The following TPD52 variants were observed in gnomAD, a reference collection of about 807,000 sequenced individuals.
The protein encoded by TPD52 is tumor protein D52.
TPD52 carries 17 observed loss-of-function variants against 31.3 expected under a neutral mutation model. The ratio of observed to expected loss-of-function variants is 0.54; its 90% CI spans 0.37 to 0.82. The LOEUF (loss-of-function observed/expected upper bound fraction) is 0.82. Ranked by LOEUF, TPD52 falls within the 40% of genes least tolerant of loss-of-function variation. The pLI, the probability that TPD52 is intolerant of heterozygous loss-of-function variation, is 0.00. For synonymous variants in TPD52, 83 were observed against 89.6 expected (o/e 0.93, Z 0.42); for missense variants, 212 against 240.1 (o/e 0.88, Z 0.77).
intron 1 of TPD52, chr8:80,080,340 G>C: frequency 1.9e-6 from 3 of 1,614,086 alleles, no homozygotes; most frequent in South Asian, 1.1e-5. Context: ...TAGGTGATCC[G>C]GGTGGAGATG....
intron 1 of TPD52, among the ~76,000 whole-genome samples, chr8:80,117,412 C>T (rs1029623004): frequency 6.6e-6 from 1 of 152,078 alleles, no homozygotes; most frequent in African/African-American, 2.4e-5. Flanking sequence ...GAAAAGAATA[C>T]ATTTAATAAG....
chr8:80,037,945 G>A lies in TPD52; in HGVS notation c.*171C>T, dbSNP rs1810022653. 3.8e-6 allele frequency: 3 copies of A among 798,076 alleles called. No homozygotes were observed. Among genetic ancestry groups the A allele is most frequent in the Non-Finnish European group, 3.8e-6 (2 of 523,858 alleles). The allele number at this position is 798,076 out of a possible 1,614,324, so 49.4% of individuals were successfully genotyped here. The stretch of plus-strand genomic sequence containing the variant: ...CACTAAAGGGTGTTTCCCAAGAATA[G>A]AGGTGAAGATATTTTCATTTTGTTT... On this transcript the variant is annotated 3_prime_UTR_variant, in exon 8 of 8. Transcript: ENST00000518937.
chr8:80,070,206 C>A (rs1210493066), intron 1 of TPD52, among the ~76,000 whole-genome samples: 1 of 151,982 alleles, frequency 6.6e-6, no homozygotes, highest in Non-Finnish European at 1.5e-5. Flanking sequence ...GCAGCCCCAA[C>A]CCCCCTTTGG....
At chr8:80,089,140 G>A (rs948670848) in intron 1 of TPD52, among the ~76,000 whole-genome samples, 2 of 152,092 alleles carry the variant, frequency 1.3e-5, no homozygotes, top group East Asian at 1.9e-4. Context: ...TTGTTATTGC[G>A]GCCCAAACCA....
At chr8:80,143,257 A>T (rs1809963098) in intron 1 of TPD52, among the ~76,000 whole-genome samples, 1 of 152,166 alleles carries the variant, frequency 6.6e-6, no homozygotes, top group Non-Finnish European at 1.5e-5. Flanking sequence ...CCCTCTCTGG[A>T]GCCAGGCTTC....
At chr8:80,058,560 G>A (rs1000211464) in intron 2 of TPD52, among the ~76,000 whole-genome samples, 7 of 152,228 alleles carry the variant, frequency 4.6e-5, no homozygotes, top group Non-Finnish European at 1.0e-4. Flanking sequence ...GACTTTGGGA[G>A]GCCAAGGCAG....
At chr8:80,127,825 CACACACACACACAGAGAT>C (rs1273098179) in intron 1 of TPD52, among the ~76,000 whole-genome samples, 17 of 102,252 alleles carry the variant, frequency 1.7e-4, no homozygotes, top group Admixed American at 1.6e-3. Context: ...CACACACACA[CACACACACACACAGAGAT>C]ACATAATAAA....
chr8:80,109,521 C>T (rs1807361756), intron 1 of TPD52, among the ~76,000 whole-genome samples: 1 of 152,184 alleles, frequency 6.6e-6, no homozygotes, highest in Non-Finnish European at 1.5e-5. Flanking sequence ...ATTCTCCTGC[C>T]TCAACCTCCT....
intron 2 of TPD52, among the ~76,000 whole-genome samples, chr8:80,059,289 T>A (rs181916897): frequency 6.6e-6 from 1 of 152,182 alleles, no homozygotes; most frequent in South Asian, 2.1e-4. Context: ...TTAAAACTTT[T>A]GGGATGCAGT....
intron 1 of TPD52, among the ~76,000 whole-genome samples, chr8:80,085,629 G>A (rs964324223): frequency 6.6e-6 from 1 of 152,022 alleles, no homozygotes; most frequent in Non-Finnish European, 1.5e-5. Flanking sequence ...GACAGTCAGG[G>A]ATTATAAACC....
chr8:80,139,384 C>A (rs950163059), intron 1 of TPD52, among the ~76,000 whole-genome samples: 1 of 151,486 alleles, frequency 6.6e-6, no homozygotes, highest in African/African-American at 2.4e-5. Context: ...AAACCCACAT[C>A]CATCAGCAGC....
rs935939094 is a variant in TPD52, at chr8:80,034,776, C to T, written c.*3340G>A. 6.6e-6 allele frequency: 1 copy of T among 152,128 alleles called. No individual in the cohort carries two copies. Among genetic ancestry groups the T allele is most frequent in the Non-Finnish European group, 1.5e-5 (1 of 68,010 alleles). 9.4% of individuals were successfully genotyped at this position (152,128 alleles called of 1,614,324 possible). A position where few individuals can be genotyped will look rare whatever the true frequency, so the allele number is the denominator to read the frequency against. The stretch of plus-strand genomic sequence containing the variant: ...AATATTCAAACAAAACTGTATTTGG[C>T]TTTTTCTATATGATAGAAGAACCAC... On this transcript the variant is annotated 3_prime_UTR_variant, in exon 8 of 8. Coordinates refer to ENST00000518937, the MANE Select transcript of TPD52 (RefSeq NM_001025253.3).
Position 80,044,198 on chromosome 8 carries a change from T to G in TPD52, c.424A>C (p.Ile142Leu). 13 of 1,585,604 alleles carry G rather than the reference T, an allele frequency of 8.2e-6. No individual in the cohort carries two copies. Among genetic ancestry groups the G allele is most frequent in the Non-Finnish European group, 1.1e-5 (13 of 1,170,522 alleles). ...GCAGGCATGCTAATTGAATGCTGAA[T>G]GGAACGTATACTAAGAGGCAGCATT... Reference protein sequence around the residue: ...AFSHSFSIRSIQHSISMPAMR... With the variant: ...AFSHSFSIRSLQHSISMPAMR... The change falls in exon 6 of 8, where the codon ATT becomes CTT. Residue 142 changes from isoleucine to leucine, a missense_variant. Coordinates refer to ENST00000518937, the MANE Select transcript of TPD52 (RefSeq NM_001025253.3).
At chr8:80,044,879 G>A (rs1360357760) in intron 5 of TPD52, among the ~76,000 whole-genome samples, 6 of 152,164 alleles carry the variant, frequency 3.9e-5, no homozygotes, top group Non-Finnish European at 8.8e-5. Flanking sequence ...ATAGGTTCAA[G>A]GTATTAATTC....
chr8:80,169,407 G>T (rs1270917231), intron 1 of TPD52, among the ~76,000 whole-genome samples: 17 of 152,062 alleles, frequency 1.1e-4, no homozygotes, highest in Non-Finnish European at 4.4e-5. Context: ...GAAAATTATA[G>T]ACACGAAAAG....
intron 1 of TPD52, among the ~76,000 whole-genome samples, chr8:80,113,148 C>T (rs1468335735): frequency 2.0e-5 from 3 of 152,098 alleles, no homozygotes; most frequent in Non-Finnish European, 4.4e-5. Flanking sequence ...GATGCTCAAC[C>T]TGCAGCAGGT....
rs960776629 is a variant in TPD52 at position 80,043,273 on chromosome 8, C to G, written c.456-605G>C. ...GAGCACGCTGAGCCCACAGGACATT[C>G]ATTCATCCATGTTACATTCACATCT... On this transcript the variant is annotated intron_variant, in intron 6 of 7. Coordinates refer to ENST00000518937, the MANE Select transcript of TPD52 (RefSeq NM_001025253.3). Among the ~76,000 whole-genome samples, 6 of 152,132 alleles carry G rather than the reference C, an allele frequency of 3.9e-5. No individual in the cohort carries two copies. In the South Asian group the frequency reaches 1.2e-3, roughly 32 times the overall value.
chr8:80,113,605 A>G (rs550267272), intron 1 of TPD52, among the ~76,000 whole-genome samples: 1 of 152,352 alleles, frequency 6.6e-6, no homozygotes, highest in African/African-American at 2.4e-5. Flanking sequence ...GCCATAAAAA[A>G]GAATGAAATC....
intron 7 of TPD52, among the ~76,000 whole-genome samples, chr8:80,040,350 C>T (rs1402441406): frequency 6.6e-6 from 1 of 151,682 alleles, no homozygotes; most frequent in Non-Finnish European, 1.5e-5. Context: ...AACACATCAG[C>T]TAATTTTTCT....
Sources: allele counts gnomAD v4.1 joint callset (sites outside exome capture counted in the v4.1 genomes callset), GRCh38; gene constraint gnomAD v4.1.1; transcripts MANE v1.5; gene names NCBI Gene and HGNC (gene_info 2026-07-23, HGNC 2026-07-21).